Variants in ARHGEF4 observed in about 807,000 individuals in gnomAD.
ARHGEF4 encodes the protein Rho guanine nucleotide exchange factor 4.
In ARHGEF4, 119 loss-of-function variants were observed where a neutral mutation model predicts 162.0. The ratio of observed to expected loss-of-function variants is 0.73; its 90% CI spans 0.63 to 0.86. ARHGEF4 has a LOEUF of 0.86. Among genes scored for constraint, ARHGEF4 ranks in the 40% least tolerant of loss-of-function variants. The pLI is 0.00. For synonymous variants in ARHGEF4, 1,014 were observed against 979.9 expected (o/e 1.03, Z -0.65); for missense variants, 2,488 against 2,456.0 (o/e 1.01, Z -0.28).
At chr2:130,908,128 TC>T (rs1232787108) in intron 1 of ARHGEF4, among the ~76,000 whole-genome samples, 1 of 152,216 alleles carries the variant, frequency 6.6e-6, no homozygotes, top group Non-Finnish European at 1.5e-5. Flanking sequence ...CTGATTTTTT[TC>T]AGCAGTATTT....
At chr2:130,885,398 T>G (rs1679449576) in intron 1 of ARHGEF4, among the ~76,000 whole-genome samples, 1 of 150,856 alleles carries the variant, frequency 6.6e-6, no homozygotes, top group African/African-American at 2.4e-5. Flanking sequence ...CCGGCCTACA[T>G]AATAGCATTA....
chr2:130,989,304 G>T (rs544966202), intron 4 of ARHGEF4, among the ~76,000 whole-genome samples: 1 of 152,290 alleles, frequency 6.6e-6, no homozygotes, highest in Non-Finnish European at 1.5e-5. Context: ...AATGGGTTTG[G>T]TGTATCAAAG....
intron 4 of ARHGEF4, among the ~76,000 whole-genome samples, chr2:130,965,600 C>T (rs1372644491): frequency 6.6e-6 from 1 of 152,216 alleles, no homozygotes; most frequent in Non-Finnish European, 1.5e-5. Flanking sequence ...AGCAAACTGG[C>T]AGAGGACTCC....
At chr2:131,038,067 G>T (rs980388966) in intron 5 of ARHGEF4, among the ~76,000 whole-genome samples, 3 of 152,192 alleles carry the variant, frequency 2.0e-5, no homozygotes, top group Non-Finnish European at 4.4e-5. Context: ...GTGCCATGAG[G>T]TTGGTTCTGC....
rs746767955 is a variant in ARHGEF4 at position 131,040,090 on chromosome 2, G to A, written c.4380G>A (p.Gly1460=). The change falls in exon 7 of 14, where the codon GGG becomes GGA. Residue 1460 remains glycine, a synonymous_variant. Transcript: ENST00000409359. ...LAGNSGAEDG[G]AEAQSSKDQM... ...GGAACAGCGGAGCGGAGGACGGCGG[G>A]GCGGAGGCGCAGAGCAGCAAGGACC... is the stretch of plus-strand genomic sequence containing the variant. 5.0e-6 allele frequency: 8 copies of A among 1,608,660 alleles called. No homozygotes were observed. The highest frequency in any genetic ancestry group is 6.8e-6 in the Non-Finnish European group (8 of 1,177,652).
Position 131,039,767 on chromosome 2 carries a change from A to C in ARHGEF4, c.4306-249A>C, listed in dbSNP as rs1690616300. On this transcript the variant is annotated intron_variant, in intron 6 of 13. Transcript: ENST00000409359. ...TCCAGCCTCTGTGCCGGGCACAAGCAGGGTCTAGGAAGGAGGCCAAATCGG... is the reference window on the plus strand; with the variant it reads ...TCCAGCCTCTGTGCCGGGCACAAGCCGGGTCTAGGAAGGAGGCCAAATCGG... 4.4e-6 allele frequency: 6 copies of C among 1,375,156 alleles called. No homozygotes were observed. The South Asian group carries it at 9.9e-5, about 23-fold the overall frequency. 85.2% of individuals were successfully genotyped at this position (1,375,156 alleles called of 1,614,324 possible). A position where few individuals can be genotyped will look rare whatever the true frequency, so the allele number is the denominator to read the frequency against.
In ARHGEF4 at chr2:131,047,128, G is replaced by C. The variant is rs1267973500; in HGVS notation, c.*939G>C. 6.6e-6 allele frequency: 1 copy of C among 152,566 alleles called. No individual in the cohort carries two copies. Among genetic ancestry groups the C allele is most frequent in the Admixed American group, 6.5e-5 (1 of 15,312 alleles). 9.5% of individuals were successfully genotyped at this position (152,566 alleles called of 1,614,324 possible). On this transcript the variant is annotated 3_prime_UTR_variant, in exon 14 of 14. Coordinates refer to ENST00000409359, the MANE Select transcript of ARHGEF4 (RefSeq NM_001367493.1). Reference sequence around the variant, plus strand: ...GTCCTGCCAAGGGGCGCCAGGAGCAGAGCCAGGGCCTGGCGAGCTGGCGTG... The same window carrying C: ...GTCCTGCCAAGGGGCGCCAGGAGCACAGCCAGGGCCTGGCGAGCTGGCGTG...
chr2:130,886,775 T>C (rs2104976051), intron 1 of ARHGEF4, among the ~76,000 whole-genome samples: 1 of 152,178 alleles, frequency 6.6e-6, no homozygotes, highest in East Asian at 1.9e-4. Flanking sequence ...TAGTAATAAT[T>C]CAATTCCTTT....
chr2:130,853,894 A>G (rs1326324731), intron 1 of ARHGEF4, among the ~76,000 whole-genome samples: 1 of 152,160 alleles, frequency 6.6e-6, no homozygotes, highest in Non-Finnish European at 1.5e-5. Flanking sequence ...GCCTTGAAGG[A>G]TGGACAGTCA....
At chr2:130,969,615 T>C (rs1003350874) in intron 4 of ARHGEF4, among the ~76,000 whole-genome samples, 2 of 151,938 alleles carry the variant, frequency 1.3e-5, no homozygotes, top group African/African-American at 4.8e-5. Context: ...AAAAAAATCA[T>C]ATGTCAAACT....
At chr2:131,017,781 A>G (rs1482826386) in intron 4 of ARHGEF4, among the ~76,000 whole-genome samples, 1 of 152,218 alleles carries the variant, frequency 6.6e-6, no homozygotes, top group Non-Finnish European at 1.5e-5. Flanking sequence ...GAGAACTGAA[A>G]GAAATCAAAG....
chr2:130,989,342 T>C (rs1251151131), intron 4 of ARHGEF4, among the ~76,000 whole-genome samples: 8 of 152,222 alleles, frequency 5.3e-5, no homozygotes, highest in Non-Finnish European at 1.2e-4. Context: ...GTTTCTGATA[T>C]AAATTTGAAT....
intron 1 of ARHGEF4, among the ~76,000 whole-genome samples, chr2:130,840,447 G>A (rs1279721233): frequency 6.6e-6 from 1 of 152,160 alleles, no homozygotes; most frequent in East Asian, 1.9e-4. Flanking sequence ...TTCTGCCTTG[G>A]GTGCTGGTGG....
chr2:130,907,817 G>A (rs376008886), intron 1 of ARHGEF4, among the ~76,000 whole-genome samples: 17 of 151,922 alleles, frequency 1.1e-4, no homozygotes, highest in East Asian at 7.9e-4. Context: ...TTAGCCAGGC[G>A]TGGTGGCATG....
intron 1 of ARHGEF4, among the ~76,000 whole-genome samples, chr2:130,890,560 TAA>T (rs1182979069): frequency 9.4e-5 from 13 of 137,644 alleles, no homozygotes; most frequent in African/African-American, 1.3e-4. Context: ...AGACTCCGTT[TAA>T]AAAAAAAAAA....
At chr2:131,022,447 C>T (rs145602777) in intron 4 of ARHGEF4, among the ~76,000 whole-genome samples, 2 of 152,062 alleles carry the variant, frequency 1.3e-5, no homozygotes, top group African/African-American at 4.8e-5. Context: ...TATTGTACAA[C>T]AGTTCATGGT....
At position 130,915,099 on chromosome 2, in the gene ARHGEF4, C is replaced by G. The variant is rs766267575; in HGVS notation, c.1153C>G (p.Gln385Glu). Residue 385 changes from glutamine to glutamate, a missense_variant, in exon 2 of 14, where the codon CAG (glutamine) becomes GAG (glutamate). Physicochemically the swap from Gln to Glu is conservative, Grantham distance 29 (BLOSUM62 2). This residue lies in a region of ARHGEF4 where 1,642 missense variants were observed against 1,481.5 expected (regional missense o/e 1.11). Coordinates refer to ENST00000409359, the MANE Select transcript of ARHGEF4 (RefSeq NM_001367493.1). ...AAACATCCCTTCCCCTGCACCCACCCAGCTGTCTGGCCCGATTCCTGCTTT... is the reference window on the plus strand; with the variant it reads ...AAACATCCCTTCCCCTGCACCCACCGAGCTGTCTGGCCCGATTCCTGCTTT... ...IQNIPSPAPT[Q>E]LSGPIPAFQS... is the part of the protein sequence containing the mutation. The G allele has an allele frequency of 7.5e-5, 116 of 1,550,732 alleles. No homozygotes were observed. The South Asian group carries it at 1.3e-3, about 17-fold the overall frequency.
In ARHGEF4 at chr2:130,916,891, C is replaced by T; in HGVS notation, c.2945C>T (p.Ala982Val). The T allele has an allele frequency of 6.4e-7, 1 of 1,550,512 alleles. No homozygotes were observed. The change falls in exon 2 of 14, where the codon GCA becomes GTA. Residue 982 changes from alanine (A) to valine (V), a missense_variant. Ala to Val is a moderately conservative substitution (Grantham distance 64). Around this residue, in one of 6 missense-constraint regions of ARHGEF4, gnomAD observed 1,642 missense variants for 1,481.5 expected, o/e 1.11. Coordinates refer to ENST00000409359, the MANE Select transcript of ARHGEF4 (RefSeq NM_001367493.1). ...CTAGGACCCGAAGTTCTCTCCCCAG[C>T]AGAGACCGACAGCCACTGTGAGGAA... Reference protein sequence around the residue: ...LPLGPEVLSPAETDSHCEERA... With the variant: ...LPLGPEVLSPVETDSHCEERA...
At chr2:130,881,658 T>G (rs577146208) in intron 1 of ARHGEF4, among the ~76,000 whole-genome samples, 1 of 152,234 alleles carries the variant, frequency 6.6e-6, no homozygotes. Context: ...AAGGTTTTGC[T>G]ATAGTGAATG....
Sources: allele counts gnomAD v4.1 joint callset (sites outside exome capture counted in the v4.1 genomes callset), GRCh38; gene constraint gnomAD v4.1.1; regional missense constraint gnomAD v4.1.1; transcripts MANE v1.5; gene names NCBI Gene and HGNC (gene_info 2026-07-23, HGNC 2026-07-21).